The following UBE2C variants were observed in gnomAD, a reference collection of about 807,000 sequenced individuals.
UBE2C encodes the protein ubiquitin-conjugating enzyme E2 C.
UBE2C carries 16 observed loss-of-function variants against 23.5 expected under a neutral mutation model. That is an observed-to-expected ratio of 0.68 (90% CI 0.46 to 1.03). The LOEUF (loss-of-function observed/expected upper bound fraction) is 1.03. Among genes scored for constraint, UBE2C ranks in the 50% least tolerant of loss-of-function variants. The pLI is 0.00. For synonymous variants in UBE2C, 76 were observed against 91.6 expected, an observed-to-expected ratio of 0.83 and a Z score of 0.97; for missense variants, 192 against 227.6, an observed-to-expected ratio of 0.84 and a Z score of 1.01.
In UBE2C at chr20:45,815,590, A is replaced by T; in HGVS notation, c.266A>T (p.Tyr89Phe). 1 of 1,614,068 alleles carries T rather than the reference A, an allele frequency of 6.2e-7. No individual in the cohort carries two copies. The highest frequency in any genetic ancestry group is 8.5e-7 in the Non-Finnish European group (1 of 1,180,016). Residue 89 changes from tyrosine (Y) to phenylalanine (F), a missense_variant, in exon 4 of 6, where the codon TAC becomes TTC. Coordinates refer to ENST00000356455, the MANE Select transcript of UBE2C (RefSeq NM_007019.4). ...CTCTCGCTAGAGTTCCCCAGTGGCT[A>T]CCCTTACAATGCGCCCACAGTGAAG... Reference protein sequence around the residue: ...YKLSLEFPSGYPYNAPTVKFL... With the variant: ...YKLSLEFPSGFPYNAPTVKFL...
At chr20:45,813,344 C>T (rs1041325172) in intron 1 of UBE2C, 93 bp from the exon 2 acceptor site, 2 of 1,609,364 alleles carry the variant, frequency 1.2e-6, no homozygotes, top group Non-Finnish European at 1.7e-6. Context: ...GCCTCCATGA[C>T]GGCTCCCCCT....
intron 4 of UBE2C, 24 bp from the exon 5 acceptor site, chr20:45,815,830 C>A: frequency 1.2e-6 from 2 of 1,614,046 alleles, no homozygotes; most frequent in Non-Finnish European, 1.7e-6. Context: ...ACCGCCTTGA[C>A]CTTCTCTTTC....
intron 2 of UBE2C, 111 bp from the exon 3 acceptor site, chr20:45,814,271 CAT>C (rs3080107): frequency 0.016 from 6,386 of 390,340 alleles, 400 homozygotes; most frequent in African/African-American, 0.11. Context: ...TGTATGTGAG[CAT>C]ATATATATAT....
chr20:45,813,554 T>TAATG (rs1449346948), intron 2 of UBE2C, 90 bp downstream of exon 2: 2 of 1,559,822 alleles, frequency 1.3e-6, no homozygotes, highest in Non-Finnish European at 1.8e-6. Context: ...GACATAGGGG[T>TAATG]AATGTAATTT....
rs1328768089 is a variant in UBE2C, at chr20:45,812,788, G to A, written c.93G>A (p.Val31=). Residue 31 remains valine (V), a synonymous_variant, in exon 1 of 6, where the codon GTG becomes GTA. Transcript: ENST00000356455. ...EPSGGAARGP[V]GKRLQQELMT... is the part of the protein sequence containing the mutation. Reference sequence around the variant, plus strand: ...GCGGGGGCGCCGCCCGGGGTCCGGTGGGCAAAAGGTGAGTGATGCGGCCTA... The same window carrying A: ...GCGGGGGCGCCGCCCGGGGTCCGGTAGGCAAAAGGTGAGTGATGCGGCCTA... 7 of 1,555,640 alleles carry A rather than the reference G, an allele frequency of 4.5e-6. No homozygotes were observed. The Admixed American group carries it at 1.2e-4, about 26-fold the overall frequency.
intron 2 of UBE2C, among the ~76,000 whole-genome samples, 179 bp from the exon 3 acceptor site, chr20:45,814,205 A>G (rs746189041): frequency 2.7e-4 from 34 of 128,288 alleles, no homozygotes; most frequent in Non-Finnish European, 4.3e-4. Flanking sequence ...CCCCATCTAT[A>G]TCTCATATAT....
chr20:45,816,843 T>C lies in UBE2C; in HGVS notation c.*76T>C. On this transcript the variant is annotated 3_prime_UTR_variant, in exon 6 of 6. Transcript: ENST00000356455. ...TGGTCTGTCCTTTTTGTGATTTCTG[T>C]ATAGGACTCTTTATCTTGAGCTGTG... is the stretch of plus-strand genomic sequence containing the variant. 2 of 1,274,892 alleles carry C rather than the reference T, an allele frequency of 1.6e-6. No homozygotes were observed. The highest frequency in any genetic ancestry group is 2.4e-5 in the East Asian group (1 of 41,920). The allele number at this position is 1,274,892 out of a possible 1,614,324, so 79.0% of individuals were successfully genotyped here. A position where few individuals can be genotyped will look rare whatever the true frequency, so the allele number is the denominator to read the frequency against.
chr20:45,814,209 CAT>C (rs1354015719), intron 2 of UBE2C, among the ~76,000 whole-genome samples, 173 bp from the exon 3 acceptor site: 1 of 108,320 alleles, frequency 9.2e-6, no homozygotes, highest in Non-Finnish European at 2.2e-5. Flanking sequence ...ATCTATATCT[CAT>C]ATATATACAC....
chr20:45,814,549 C>A, intron 3 of UBE2C, 79 bp downstream of exon 3: 4 of 1,186,572 alleles, frequency 3.4e-6, no homozygotes, highest in Non-Finnish European at 4.9e-6. Flanking sequence ...CTGCTTCAAG[C>A]CTTTGGCGGA....
In UBE2C at chr20:45,815,731, A is replaced by G. The variant is rs777703076; in HGVS notation, c.407A>G (p.Gln136Arg). The G allele has an allele frequency of 1.1e-5, 17 of 1,613,414 alleles. No homozygotes were observed. Among genetic ancestry groups the G allele is most frequent in the Non-Finnish European group, 1.4e-5 (17 of 1,179,654 alleles). Reference sequence around the variant, plus strand: ...GTCAGGACCATTCTGCTCTCCATCCAGAGCCTTCTAGGAGGTGACTTTAGA... The same window carrying G: ...GTCAGGACCATTCTGCTCTCCATCCGGAGCCTTCTAGGAGGTGACTTTAGA... ...YDVRTILLSIQSLLGEPNIDS... is the reference protein window; with the variant it reads ...YDVRTILLSIRSLLGEPNIDS... The change falls in exon 4 of 6, where the codon CAG (glutamine) becomes CGG (arginine). Residue 136 changes from glutamine to arginine, a missense_variant. Transcript: ENST00000356455.
At chr20:45,814,600 A>G in intron 3 of UBE2C, 130 bp downstream of exon 3, 1 of 636,892 alleles carries the variant, frequency 1.6e-6, no homozygotes, top group South Asian at 2.1e-5. Flanking sequence ...TCTCTGAGCC[A>G]TGTGGCCTTG....
At position 45,816,864 on chromosome 20, in the gene UBE2C, C is replaced by G. The variant is rs1982618646; in HGVS notation, c.*97C>G. ...TCTGTATAGGACTCTTTATCTTGAG[C>G]TGTGGTATTTTTGTTTTGTTTTTGT... On this transcript the variant is annotated 3_prime_UTR_variant, in exon 6 of 6. Transcript: ENST00000356455. The G allele has an allele frequency of 9.4e-7, 1 of 1,061,850 alleles. No homozygotes were observed. The highest frequency in any genetic ancestry group is 2.8e-5 in the Admixed American group (1 of 35,958). 65.8% of individuals were successfully genotyped at this position (1,061,850 alleles called of 1,614,324 possible).
At chr20:45,814,740 A>G (rs1982324763) in intron 3 of UBE2C, among the ~76,000 whole-genome samples, 1 of 152,264 alleles carries the variant, frequency 6.6e-6, no homozygotes, top group Admixed American at 6.5e-5. Context: ...GATCTCAAGA[A>G]GGCAGCTTCC....
chr20:45,816,058 G>C (rs984864017), intron 5 of UBE2C, 145 bp downstream of exon 5: 6 of 739,754 alleles, frequency 8.1e-6, no homozygotes, highest in Admixed American at 2.8e-5. Context: ...TTCTGCCCCA[G>C]TGCTCCTATT....
intron 1 of UBE2C, chr20:45,813,229 C>T (rs1370041203): frequency 1.2e-5 from 18 of 1,472,604 alleles, no homozygotes; most frequent in Non-Finnish European, 1.5e-5. Flanking sequence ...ATGCCAGAAT[C>T]ATCCCGAGGG....
intron 5 of UBE2C, among the ~76,000 whole-genome samples, chr20:45,816,150 G>A (rs889419624): frequency 6.6e-6 from 1 of 152,224 alleles, no homozygotes; most frequent in Admixed American, 6.5e-5. Context: ...GTGAGACCAA[G>A]GCAGGAGGAT....
intron 2 of UBE2C, 84 bp from the exon 3 acceptor site, chr20:45,814,293 TATATATA>T: frequency 7.3e-6 from 3 of 410,780 alleles, no homozygotes; most frequent in Non-Finnish European, 1.2e-5. Flanking sequence ...TATATATATA[TATATATA>T]AAATTAAGGG....
At chr20:45,812,993 ACCT>A (rs1568713541) in intron 1 of UBE2C, 197 bp downstream of exon 1, 6 of 1,429,488 alleles carry the variant, frequency 4.2e-6, no homozygotes, top group Non-Finnish European at 5.5e-6. Flanking sequence ...CGGGACTCCC[ACCT>A]CCTTGCGCGG....
rs1225528823 is a variant in UBE2C at position 45,812,703 on chromosome 20, C to T, written c.8C>T (p.Ser3Phe). ...TCTGCCAACGCCGCCCGGATGGCTT[C>T]CCAAAACCGCGACCCAGCCGCCACT... MA[S>F]QNRDPAATSV... The change falls in exon 1 of 6, where the codon TCC becomes TTC. Residue 3 changes from serine (S) to phenylalanine (F), a missense_variant. By Grantham distance (155) the Ser-to-Phe change is radical. Transcript: ENST00000356455. 4 of 1,551,258 alleles carry T rather than the reference C, an allele frequency of 2.6e-6. No homozygotes were observed. The highest frequency in any genetic ancestry group is 2.6e-6 in the Non-Finnish European group (3 of 1,147,258).
Sources: gnomAD v4.1 joint callset for allele counts (sites outside exome capture counted in the v4.1 genomes callset) on GRCh38, gnomAD v4.1.1 for gene constraint, MANE v1.5 for transcripts, NCBI Gene and HGNC (gene_info 2026-07-23, HGNC 2026-07-21) for gene names.